The following KCTD16 variants were observed in gnomAD, a reference collection of about 807,000 sequenced individuals.
The protein encoded by KCTD16 is BTB/POZ domain-containing protein KCTD16.
A neutral mutation model predicts 33.2 loss-of-function variants in KCTD16; 13 were observed. That is an observed-to-expected ratio of 0.39 (90% CI 0.25 to 0.62). KCTD16 has a LOEUF of 0.62. Among genes scored for constraint, KCTD16 ranks in the 20% least tolerant of loss-of-function variants. The pLI, the probability that KCTD16 is intolerant of heterozygous loss-of-function variation, is 0.50. For synonymous variants in KCTD16, 197 were observed against 195.3 expected (o/e 1.01, Z -0.07); for missense variants, 441 against 525.1 (o/e 0.84, Z 1.57).
chr5:144,394,829 C>T (rs1752529942), intron 3 of KCTD16, among the ~76,000 whole-genome samples: 1 of 152,246 alleles, frequency 6.6e-6, no homozygotes, highest in African/African-American at 2.4e-5. Context: ...CCATGCGGAA[C>T]TGTGAATCAG....
At chr5:144,249,805 A>G (rs1266031322) in intron 3 of KCTD16, among the ~76,000 whole-genome samples, 1 of 152,152 alleles carries the variant, frequency 6.6e-6, no homozygotes, top group Non-Finnish European at 1.5e-5. Context: ...CTGCATTTAA[A>G]TGACAGAGCC....
intron 3 of KCTD16, among the ~76,000 whole-genome samples, chr5:144,268,793 T>C (rs1226615536): frequency 6.6e-6 from 1 of 152,118 alleles, no homozygotes; most frequent in African/African-American, 2.4e-5. Flanking sequence ...ACAAGGACAT[T>C]AAAACTACTT....
intron 2 of KCTD16, among the ~76,000 whole-genome samples, chr5:144,197,171 A>G (rs1420927630): frequency 1.3e-5 from 2 of 152,222 alleles, no homozygotes; most frequent in African/African-American, 4.8e-5. Flanking sequence ...TCAGTAAATC[A>G]TATTTTTCAA....
At chr5:144,189,495 C>CAA (rs5871868) in intron 2 of KCTD16, among the ~76,000 whole-genome samples, 18 of 120,624 alleles carry the variant, frequency 1.5e-4, no homozygotes, top group African/African-American at 2.9e-4. Flanking sequence ...GACTCCATCT[C>CAA]AAAAAAAAAA....
chr5:144,303,484 T>C (rs1417431574), intron 3 of KCTD16, among the ~76,000 whole-genome samples: 1 of 152,214 alleles, frequency 6.6e-6, no homozygotes, highest in African/African-American at 2.4e-5. Context: ...TTGGCTTTTG[T>C]GTGGCAAGAG....
chr5:144,346,259 G>C (rs745837027), intron 3 of KCTD16, among the ~76,000 whole-genome samples: 4 of 152,142 alleles, frequency 2.6e-5, no homozygotes, highest in African/African-American at 4.8e-5. Flanking sequence ...TTCACCTGTT[G>C]ATGGACACTT....
intron 3 of KCTD16, among the ~76,000 whole-genome samples, chr5:144,315,644 A>G (rs1241653186): frequency 2.0e-5 from 3 of 152,178 alleles, no homozygotes; most frequent in Non-Finnish European, 2.9e-5. Context: ...GACGGGTACT[A>G]TTATTTCCCA....
chr5:144,431,843 G>T (rs1753471025), intron 3 of KCTD16, among the ~76,000 whole-genome samples: 1 of 152,076 alleles, frequency 6.6e-6, no homozygotes. Context: ...TGGAAAAATT[G>T]CCTGGGCTTA....
At chr5:144,405,119 G>T (rs1752783081) in intron 3 of KCTD16, among the ~76,000 whole-genome samples, 2 of 152,076 alleles carry the variant, frequency 1.3e-5, no homozygotes, top group African/African-American at 4.8e-5. Flanking sequence ...ATTTGCCCAG[G>T]ATCACAGCTA....
chr5:144,318,770 G>A (rs1369301948), intron 3 of KCTD16, among the ~76,000 whole-genome samples: 1 of 152,140 alleles, frequency 6.6e-6, no homozygotes, highest in Non-Finnish European at 1.5e-5. Flanking sequence ...CAGATAGCTT[G>A]TCTCTATATT....
chr5:144,386,689 G>C (rs1752331029), intron 3 of KCTD16, among the ~76,000 whole-genome samples: 1 of 152,122 alleles, frequency 6.6e-6, no homozygotes. Context: ...GAGACGCTTA[G>C]TTAATGCATG....
chr5:144,199,497 TA>T (rs988550370), intron 2 of KCTD16, among the ~76,000 whole-genome samples: 2 of 152,182 alleles, frequency 1.3e-5, no homozygotes, highest in Admixed American at 1.3e-4. Context: ...GTGGATTTAG[TA>T]AAACCAATTA....
chr5:144,323,049 C>A (rs1752115738), intron 3 of KCTD16, among the ~76,000 whole-genome samples: 1 of 152,070 alleles, frequency 6.6e-6, no homozygotes, highest in African/African-American at 2.4e-5. Flanking sequence ...ATTTTGAAGT[C>A]TTTTCCAGAC....
intron 3 of KCTD16, among the ~76,000 whole-genome samples, chr5:144,351,149 G>C (rs934823943): frequency 1.3e-5 from 2 of 152,156 alleles, no homozygotes; most frequent in Non-Finnish European, 1.5e-5. Flanking sequence ...TTATGGAGAA[G>C]ACCTTTGATC....
Position 144,305,194 on chromosome 5 carries a change from G to A in KCTD16, c.832+97648G>A, listed in dbSNP as rs115995950. On this transcript the variant is annotated intron_variant, in intron 3 of 3. Transcript: ENST00000512467. Reference sequence around the variant, plus strand: ...GAGATTCTGTTATATCTTTTTTAGAGTGAGTGTTCACCTCAATCCAATGAA... The same window carrying A: ...GAGATTCTGTTATATCTTTTTTAGAATGAGTGTTCACCTCAATCCAATGAA... Among the ~76,000 whole-genome samples, 1,491 of 152,114 alleles carry A rather than the reference G, an allele frequency of 9.8e-3. 22 individuals carry two copies. The highest frequency in any genetic ancestry group is 0.034 in the African/African-American group (1,401 of 41,488).
At chr5:144,273,033 G>A (rs1755343632) in intron 3 of KCTD16, among the ~76,000 whole-genome samples, 1 of 151,982 alleles carries the variant, frequency 6.6e-6, no homozygotes, top group Non-Finnish European at 1.5e-5. Flanking sequence ...AAAGTATAAA[G>A]GTAACCCACA....
At chr5:144,186,873 A>G (rs886388151) in intron 2 of KCTD16, among the ~76,000 whole-genome samples, 2 of 152,222 alleles carry the variant, frequency 1.3e-5, no homozygotes, top group Non-Finnish European at 2.9e-5. Context: ...CCATCTATTC[A>G]TTCAGTAACT....
At chr5:144,245,861 G>C (rs1277176762) in intron 3 of KCTD16, among the ~76,000 whole-genome samples, 1 of 152,108 alleles carries the variant, frequency 6.6e-6, no homozygotes, top group Non-Finnish European at 1.5e-5. Flanking sequence ...ATGCTGCCAT[G>C]CTTCCTATGA....
intron 3 of KCTD16, among the ~76,000 whole-genome samples, chr5:144,433,101 C>T (rs1753500860): frequency 6.6e-6 from 1 of 152,118 alleles, no homozygotes; most frequent in Non-Finnish European, 1.5e-5. Flanking sequence ...TATCTTCTTA[C>T]CTGTCACAGT....
Sources: allele counts gnomAD v4.1 joint callset (sites outside exome capture counted in the v4.1 genomes callset), GRCh38; gene constraint gnomAD v4.1.1; transcripts MANE v1.5; gene names NCBI Gene and HGNC (gene_info 2026-07-23, HGNC 2026-07-21).